CACNA2D2: variants seen among roughly 807,000 people sequenced by gnomAD.
CACNA2D2 encodes calcium voltage-gated channel auxiliary subunit alpha2delta 2.
A neutral mutation model predicts 166.4 loss-of-function variants in CACNA2D2; 48 were observed. The observed-to-expected ratio is 0.29, with a 90% CI of 0.23 to 0.37. CACNA2D2 has a LOEUF of 0.37. CACNA2D2 is among the 10% of genes least tolerant of loss of function. The pLI is 1.00. For missense variants in CACNA2D2, 1,122 were observed against 1,433.0 expected, an observed-to-expected ratio of 0.78 and a Z score of 3.50; for synonymous variants, 561 against 573.7, an observed-to-expected ratio of 0.98 and a Z score of 0.32.
At chr3:50,497,186 C>G (rs1347825591) in intron 1 of CACNA2D2, among the ~76,000 whole-genome samples, 1 of 152,074 alleles carries the variant, frequency 6.6e-6, no homozygotes, top group Admixed American at 6.5e-5. Context: ...TAAAGCAGGG[C>G]GTGGAGAGGA....
At position 50,366,303 on chromosome 3, in the gene CACNA2D2, G is replaced by A. The variant is rs1704279666; in HGVS notation, c.2673C>T (p.Phe891=). The A allele has an allele frequency of 1.2e-6, 2 of 1,614,118 alleles. No individual in the cohort carries two copies. The highest frequency in any genetic ancestry group is 1.7e-6 in the Non-Finnish European group (2 of 1,180,020). Residue 891 remains phenylalanine (F), a synonymous_variant, in exon 31 of 38, where the codon TTC becomes TTT. Coordinates refer to ENST00000424201, the MANE Select transcript of CACNA2D2 (RefSeq NM_006030.4). This position sits in a 1 kb window ranked among gnomAD's most constrained non-coding sequence, Gnocchi z 5.9. ...LLCVLIDDGG[F]LVLSNQNHQW... Reference sequence around the variant, plus strand: ...GATGGTTCTGGTTTGACAGCACCAGGAATCCTCCATCATCAATGAGGACAC... The same window carrying A: ...GATGGTTCTGGTTTGACAGCACCAGAAATCCTCCATCATCAATGAGGACAC...
chr3:50,440,492 T>C (rs76985526), intron 2 of CACNA2D2, among the ~76,000 whole-genome samples: 1,645 of 152,384 alleles, frequency 0.011, 16 homozygotes, highest in Admixed American at 0.019. Context: ...TTGTACACTG[T>C]GATGTTAGTT....
chr3:50,392,048 T>C (rs1047578123), intron 4 of CACNA2D2, among the ~76,000 whole-genome samples: 2 of 152,158 alleles, frequency 1.3e-5, no homozygotes, highest in Admixed American at 6.5e-5. Flanking sequence ...AGTTTGAGGC[T>C]AGAATTGTGG....
chr3:50,451,165 G>A (rs1709085912), intron 2 of CACNA2D2, among the ~76,000 whole-genome samples: 1 of 151,298 alleles, frequency 6.6e-6, no homozygotes, highest in Non-Finnish European at 1.5e-5. Flanking sequence ...CACTTTTGTT[G>A]CCCAGGCTGG....
At chr3:50,377,861 T>C (rs1705071716) in intron 15 of CACNA2D2, 58 bp from the exon 16 acceptor site, 1 of 1,525,816 alleles carries the variant, frequency 6.6e-7, no homozygotes, top group Admixed American at 1.7e-5. Context: ...CCACCCTGAG[T>C]GTTCAGAGCA....
intron 1 of CACNA2D2, among the ~76,000 whole-genome samples, chr3:50,489,006 G>C (rs910132018): frequency 1.3e-5 from 2 of 152,146 alleles, no homozygotes; most frequent in African/African-American, 4.8e-5. Context: ...GTCCTTCCTG[G>C]TGTTTTCTGA....
intron 1 of CACNA2D2, among the ~76,000 whole-genome samples, chr3:50,481,081 G>A (rs1331170588): frequency 2.0e-5 from 3 of 151,928 alleles, no homozygotes; most frequent in Non-Finnish European, 4.4e-5. Context: ...CAGGCTTTTG[G>A]AATAAATTAT....
At chr3:50,453,333 A>AG (rs1709195069) in intron 2 of CACNA2D2, among the ~76,000 whole-genome samples, 2 of 152,238 alleles carry the variant, frequency 1.3e-5, no homozygotes, top group Non-Finnish European at 2.9e-5. Flanking sequence ...AGCCTACAGC[A>AG]GGTCACCTGC....
chr3:50,454,591 C>G (rs1349274881), intron 2 of CACNA2D2, among the ~76,000 whole-genome samples: 1 of 152,238 alleles, frequency 6.6e-6, no homozygotes, highest in Non-Finnish European at 1.5e-5. Context: ...GAGGCCTTGC[C>G]TTTGTCCCAG....
chr3:50,403,269 C>A (rs77051475), intron 3 of CACNA2D2, among the ~76,000 whole-genome samples: 197 of 152,102 alleles, frequency 1.3e-3, no homozygotes, highest in Non-Finnish European at 2.5e-3. Context: ...ACTGGAGACA[C>A]AACTCCAGGT....
intron 5 of CACNA2D2, among the ~76,000 whole-genome samples, chr3:50,385,012 A>G (rs1392945539): frequency 3.9e-5 from 6 of 152,202 alleles, no homozygotes; most frequent in Non-Finnish European, 8.8e-5. Flanking sequence ...TTGATTTTCT[A>G]AAATGAGCCA....
chr3:50,443,777 TTAAAG>T (rs1195702962), intron 2 of CACNA2D2, among the ~76,000 whole-genome samples: 1 of 152,012 alleles, frequency 6.6e-6, no homozygotes, highest in Non-Finnish European at 1.5e-5. Context: ...GTAAAATGGG[TTAAAG>T]TAAAGCCCCC....
chr3:50,366,118 G>C lies in CACNA2D2; in HGVS notation c.2755C>G (p.Leu919Val). 1 of 1,613,984 alleles carries C rather than the reference G, an allele frequency of 6.2e-7. No homozygotes were observed. Among genetic ancestry groups the C allele is most frequent in the South Asian group, 1.1e-5 (1 of 91,086 alleles). Residue 919 changes from leucine to valine, a missense_variant, in exon 32 of 38, where the codon CTC becomes GTC. Physicochemically the swap from Leu to Val is conservative, Grantham distance 32 (BLOSUM62 1). This residue lies in a region of CACNA2D2 where 840 missense variants were observed against 1,166.8 expected (regional missense o/e 0.72). Coordinates refer to ENST00000424201, the MANE Select transcript of CACNA2D2 (RefSeq NM_006030.4). The surrounding 1 kb of genome is among the most constrained non-coding windows in gnomAD (Gnocchi z 5.9). ...SEVDANLMLA[L>V]YNNSFYTRKE... ...CGGGTGTAGAAGGAGTTATTGTAGA[G>C]TGCCAGCATCAGGTTGGCATCCACC...
At chr3:50,484,991 G>A (rs1698218674) in intron 1 of CACNA2D2, among the ~76,000 whole-genome samples, 1 of 152,210 alleles carries the variant, frequency 6.6e-6, no homozygotes, top group Admixed American at 6.5e-5. Context: ...CCCTTCCCCT[G>A]GCTTCTTTCC....
At chr3:50,445,121 T>G (rs1026862036) in intron 2 of CACNA2D2, among the ~76,000 whole-genome samples, 11 of 152,214 alleles carry the variant, frequency 7.2e-5, no homozygotes, top group Non-Finnish European at 1.6e-4. Flanking sequence ...AAGTGGTGTG[T>G]GGCCATCTGA....
chr3:50,503,087 C>G, intron 1 of CACNA2D2, 131 bp downstream of exon 1: 1 of 430,722 alleles, frequency 2.3e-6, no homozygotes, highest in Non-Finnish European at 3.5e-6. Flanking sequence ...GCCGTCGCCC[C>G]CGGGCGCAGC....
intron 3 of CACNA2D2, among the ~76,000 whole-genome samples, chr3:50,429,535 G>A (rs999830652): frequency 2.0e-5 from 3 of 146,770 alleles, no homozygotes; most frequent in Admixed American, 7.0e-5. Flanking sequence ...GGCGGATCAC[G>A]AGGTCAGGAG....
chr3:50,495,257 G>A (rs1698676764), intron 1 of CACNA2D2, among the ~76,000 whole-genome samples: 1 of 152,198 alleles, frequency 6.6e-6, no homozygotes. Flanking sequence ...AATGCCCAAG[G>A]AGACGGTTGC....
At chr3:50,377,848 A>AC (rs775025591) in intron 15 of CACNA2D2, 45 bp from the exon 16 acceptor site, 1 of 1,558,568 alleles carries the variant, frequency 6.4e-7, no homozygotes, top group African/African-American at 1.4e-5. Context: ...GCCAGCACTG[A>AC]CCCCACCCTG....
Sources: gnomAD v4.1 joint callset for allele counts (sites outside exome capture counted in the v4.1 genomes callset) on GRCh38, gnomAD v4.1.1 for gene constraint, gnomAD v4.1.1 regional missense constraint, Gnocchi (gnomAD v3.1) non-coding constraint, MANE v1.5 for transcripts, NCBI Gene and HGNC (gene_info 2026-07-23, HGNC 2026-07-21) for gene names.